Variants in KLHDC4 observed in about 807,000 individuals in gnomAD.
The protein encoded by KLHDC4 is kelch domain containing 4, also known as kelch domain-containing protein 4.
A neutral mutation model predicts 62.4 loss-of-function variants in KLHDC4; 90 were observed. The ratio of observed to expected loss-of-function variants is 1.44; its 90% CI spans 1.22 to 1.72. KLHDC4 has a LOEUF of 1.72. Among genes scored for constraint, KLHDC4 ranks in the 40% most tolerant of loss-of-function variants. The probability of loss-of-function intolerance (pLI) is 0.00; values close to 1 mark genes in which losing one functional copy is unlikely to be tolerated. For missense variants in KLHDC4, 1,025 were observed against 699.7 expected, an observed-to-expected ratio of 1.47 and a Z score of -5.25; for synonymous variants, 386 against 284.4, an observed-to-expected ratio of 1.36 and a Z score of -3.59.
chr16:87,722,172 C>A (rs2038497663), intron 7 of KLHDC4, among the ~76,000 whole-genome samples: 1 of 152,218 alleles, frequency 6.6e-6, no homozygotes, highest in African/African-American at 2.4e-5. Context: ...CGTTAGGATA[C>A]AAGTCATCAT....
intron 5 of KLHDC4, among the ~76,000 whole-genome samples, chr16:87,744,610 A>T (rs781737467): frequency 6.6e-6 from 1 of 152,030 alleles, no homozygotes; most frequent in East Asian, 1.9e-4. Flanking sequence ...AATTTGAAAA[A>T]CTGATGGTAA....
chr16:87,711,311 C>CT lies in KLHDC4; in HGVS notation c.967dup (p.Ser323LysfsTer22), dbSNP rs767055675. ...ATCGTTGAAGAACTCGCCCGACAGG[C>CT]TCTCCTCCTCTTCCTCGTCACAGAC... On this transcript the variant is annotated frameshift_variant, in exon 9 of 12. Coordinates refer to ENST00000270583, the MANE Select transcript of KLHDC4 (RefSeq NM_017566.4). LOFTEE classifies it high-confidence loss of function. 1 of 1,614,114 alleles carries CT rather than the reference C, an allele frequency of 6.2e-7. No individual in the cohort carries two copies. Among genetic ancestry groups the CT allele is most frequent in the Non-Finnish European group, 8.5e-7 (1 of 1,180,026 alleles).
intron 5 of KLHDC4, chr16:87,747,705 G>C (rs1029237837): frequency 3.9e-5 from 6 of 152,280 alleles, no homozygotes; most frequent in Admixed American, 3.3e-4. Context: ...TCCCGGCCTA[G>C]AGCCAGGCAG....
At chr16:87,755,108 T>C (rs918368311) in intron 4 of KLHDC4, 86 bp downstream of exon 4, 6 of 884,618 alleles carry the variant, frequency 6.8e-6, no homozygotes, top group Non-Finnish European at 1.1e-5. Context: ...CCGCACCAGC[T>C]GCCTGTCACC....
intron 5 of KLHDC4, among the ~76,000 whole-genome samples, chr16:87,747,890 T>A (rs2043274773): frequency 6.6e-6 from 1 of 152,328 alleles, no homozygotes; most frequent in Admixed American, 6.5e-5. Flanking sequence ...AAGGCCTGTG[T>A]GCGGCGGCCT....
At chr16:87,723,413 G>T (rs530249897) in intron 7 of KLHDC4, among the ~76,000 whole-genome samples, 2 of 152,356 alleles carry the variant, frequency 1.3e-5, no homozygotes, top group South Asian at 4.1e-4. Context: ...AATGACACGC[G>T]ACTCTGATGA....
At chr16:87,701,351 T>C (rs1304578435) in exon 1 of KLHDC4, 8 of 314,004 alleles carry the variant, frequency 2.5e-5, no homozygotes, top group Admixed American at 7.9e-5. Flanking sequence ...AGCCATACTG[T>C]GGAGAGAAGC....
At chr16:87,751,831 T>C (rs1392214359) in intron 4 of KLHDC4, among the ~76,000 whole-genome samples, 3 of 136,736 alleles carry the variant, frequency 2.2e-5, no homozygotes. Flanking sequence ...CCCAGCACTT[T>C]GGGAGGCCGA....
rs375437350 is a variant in KLHDC4 at position 87,711,232 on chromosome 16, T to A, written c.1044+3A>T. ...GGCGCATGCTACTCAGAGGTTGCAC[T>A]ACCTTCAGCTGTCCCTCAAACCAAC... On this transcript the variant is annotated splice_donor_region_variant and intron_variant, in intron 9 of 11. Transcript: ENST00000270583. 1 of 1,613,978 alleles carries A rather than the reference T, an allele frequency of 6.2e-7. No individual in the cohort carries two copies. Among genetic ancestry groups the A allele is most frequent in the Non-Finnish European group, 8.5e-7 (1 of 1,179,982 alleles).
intron 5 of KLHDC4, among the ~76,000 whole-genome samples, chr16:87,733,896 G>C (rs1411912279): frequency 6.6e-6 from 1 of 152,210 alleles, no homozygotes; most frequent in African/African-American, 2.4e-5. Flanking sequence ...GCAACTCTGG[G>C]CTGCAAAGGA....
chr16:87,711,371 A>G lies in KLHDC4; in HGVS notation c.908T>C (p.Met303Thr), dbSNP rs2035789823. The part of the protein sequence containing the change: ...PTPRSGFSVA[M>T]APNHQTLFFG... ...GAACAGTGTCTGGTGATTCGGGGCCATGGCCACGGAAAAGCCAGACCGTGG... is the reference window on the plus strand; with the variant it reads ...GAACAGTGTCTGGTGATTCGGGGCCGTGGCCACGGAAAAGCCAGACCGTGG... Residue 303 changes from methionine to threonine, a missense_variant, in exon 9 of 12, where the codon ATG becomes ACG. Transcript: ENST00000270583. The G allele has an allele frequency of 2.5e-6, 4 of 1,613,808 alleles. No homozygotes were observed. The highest frequency in any genetic ancestry group is 1.7e-6 in the Non-Finnish European group (2 of 1,179,992).
chr16:87,757,175 A>AT, intron 2 of KLHDC4, among the ~76,000 whole-genome samples: 1 of 151,856 alleles, frequency 6.6e-6, no homozygotes, highest in Non-Finnish European at 1.5e-5. Flanking sequence ...CATTCTAAAA[A>AT]GTCCAGTAAC....
chr16:87,733,071 T>C (rs2040669713), intron 5 of KLHDC4, among the ~76,000 whole-genome samples: 1 of 141,922 alleles, frequency 7.0e-6, no homozygotes, highest in Non-Finnish European at 1.5e-5. Flanking sequence ...CTATCCCAGC[T>C]TTTATCGGTG....
intron 5 of KLHDC4, among the ~76,000 whole-genome samples, chr16:87,747,396 A>T (rs2043197590): frequency 6.6e-6 from 1 of 152,274 alleles, no homozygotes; most frequent in Admixed American, 6.5e-5. Context: ...AAGCAAAAGG[A>T]CAACTGTGTG....
Position 87,708,042 on chromosome 16 carries a change from C to A in KLHDC4, c.*35G>T, listed in dbSNP as rs534888409. ...GCTGGGTCCTGGGCGGACGTGGGCA[C>A]AGCACTTGCCAGGCGCCCCTGGCAG... is the stretch of plus-strand genomic sequence containing the variant. On this transcript the variant is annotated 3_prime_UTR_variant, in exon 12 of 12. Coordinates refer to ENST00000270583, the MANE Select transcript of KLHDC4 (RefSeq NM_017566.4). The A allele has an allele frequency of 1.9e-6, 1 of 529,264 alleles. No homozygotes were observed. Among genetic ancestry groups the A allele is most frequent in the South Asian group, 1.5e-5 (1 of 65,186 alleles). 32.8% of individuals were successfully genotyped at this position (529,264 alleles called of 1,614,324 possible).
chr16:87,738,000 C>A (rs1214568882), intron 5 of KLHDC4, among the ~76,000 whole-genome samples: 1 of 152,190 alleles, frequency 6.6e-6, no homozygotes, highest in Non-Finnish European at 1.5e-5. Context: ...GGCCTTCCAG[C>A]AGGGCAGGTT....
intron 5 of KLHDC4, chr16:87,730,860 G>A (rs2040224661): frequency 4.2e-6 from 2 of 471,846 alleles, no homozygotes; most frequent in African/African-American, 2.0e-5. Context: ...GAATAAAACA[G>A]GAGAACATCT....
At chr16:87,756,235 G>T (rs897362652) in intron 3 of KLHDC4, 164 bp downstream of exon 3, 20 of 564,646 alleles carry the variant, frequency 3.5e-5, no homozygotes, top group African/African-American at 5.6e-5. Flanking sequence ...TCATGCCAGG[G>T]CCTGGAGCAT....
At chr16:87,749,126 C>T (rs896282029) in intron 4 of KLHDC4, among the ~76,000 whole-genome samples, 3 of 151,806 alleles carry the variant, frequency 2.0e-5, no homozygotes, top group Non-Finnish European at 4.4e-5. Context: ...ACATTAACAA[C>T]GGTGTGGTGC....
Sources: gnomAD v4.1 joint callset for allele counts (sites outside exome capture counted in the v4.1 genomes callset) on GRCh38, gnomAD v4.1.1 for gene constraint, MANE v1.5 for transcripts, NCBI Gene and HGNC (gene_info 2026-07-23, HGNC 2026-07-21) for gene names.